The following PALLD variants were observed in gnomAD, a reference collection of about 807,000 sequenced individuals.
PALLD encodes palladin.
Under a neutral mutation model 123.5 loss-of-function variants are expected in PALLD, and 61 were observed. The ratio of observed to expected loss-of-function variants is 0.49; its 90% CI spans 0.40 to 0.61. The LOEUF (loss-of-function observed/expected upper bound fraction) is 0.61, where lower values mean the gene tolerates loss of function less well. PALLD is among the 20% of genes least tolerant of loss of function. The probability of loss-of-function intolerance (pLI) is 0.00; values close to 1 mark genes in which losing one functional copy is unlikely to be tolerated. For missense variants in PALLD, 1,273 were observed against 1,377.0 expected, an observed-to-expected ratio of 0.92 and a Z score of 1.20; for synonymous variants, 465 against 496.4, an observed-to-expected ratio of 0.94 and a Z score of 0.84.
intron 10 of PALLD, among the ~76,000 whole-genome samples, chr4:168,826,262 C>G (rs1159596652): frequency 1.3e-5 from 2 of 152,156 alleles, no homozygotes; most frequent in Non-Finnish European, 2.9e-5. Flanking sequence ...TCAGATCAAG[C>G]AGACCTGACT....
At chr4:168,717,540 C>A (rs138464009) in intron 10 of PALLD, among the ~76,000 whole-genome samples, 1 of 151,798 alleles carries the variant, frequency 6.6e-6, no homozygotes, top group East Asian at 1.9e-4. Context: ...TAGTAGAGAC[C>A]GGGTTTCACC....
At chr4:168,577,536 T>A (rs929111120) in intron 2 of PALLD, among the ~76,000 whole-genome samples, 5 of 152,180 alleles carry the variant, frequency 3.3e-5, no homozygotes, top group African/African-American at 1.2e-4. Flanking sequence ...TTCAGGTTTT[T>A]CTTACATAGG....
chr4:168,892,950 G>A lies in PALLD; in HGVS notation c.2101-1629G>A, dbSNP rs150843199. ...GTAAGGTTTCCCTTTTTAGAAAATG[G>A]GATTCTCAACCAACTTTTTCCTAAT... On this transcript the variant is annotated intron_variant, in intron 11 of 21. Coordinates refer to ENST00000505667, the MANE Select transcript of PALLD (RefSeq NM_001166108.2). 1.8e-4 allele frequency among the ~76,000 whole-genome samples: 27 copies of A among 152,020 alleles called. No homozygotes were observed. In the East Asian group the frequency reaches 5.2e-3, roughly 29 times the overall value.
Position 168,844,884 on chromosome 4 carries a change from G to A in PALLD, c.1965-46038G>A, listed in dbSNP as rs901602907. The A allele has an allele frequency of 7.2e-5, 11 of 152,324 alleles. No individual in the cohort carries two copies. The highest frequency in any genetic ancestry group is 1.3e-4 in the Non-Finnish European group (9 of 68,156). 9.4% of individuals were successfully genotyped at this position (152,324 alleles called of 1,614,324 possible). On this transcript the variant is annotated intron_variant, in intron 10 of 21. Coordinates refer to ENST00000505667, the MANE Select transcript of PALLD (RefSeq NM_001166108.2). This position sits in a 1 kb window ranked among gnomAD's most constrained non-coding sequence, Gnocchi z 4.5. ...GACCAGGCCATCATGGGTTAGGCTC[G>A]GAAGGGAGGGGCCCAGATGCAGAAT...
intron 2 of PALLD, among the ~76,000 whole-genome samples, chr4:168,573,642 G>A (rs1041381139): frequency 3.3e-5 from 5 of 152,126 alleles, no homozygotes; most frequent in East Asian, 1.9e-4. Context: ...CTAAAAGAAC[G>A]TGGGAAGTTG....
At chr4:168,916,442 A>G (rs930582610) in intron 17 of PALLD, among the ~76,000 whole-genome samples, 3 of 151,604 alleles carry the variant, frequency 2.0e-5, no homozygotes, top group Admixed American at 1.3e-4. Flanking sequence ...TAAGGGGGGG[A>G]AAAAGTGAAA....
chr4:168,601,068 TC>T (rs1772592813), intron 2 of PALLD, among the ~76,000 whole-genome samples: 1 of 151,586 alleles, frequency 6.6e-6, no homozygotes, highest in South Asian at 2.1e-4. Context: ...CAGTGTTTTT[TC>T]TTCTGCAAGT....
intron 2 of PALLD, among the ~76,000 whole-genome samples, chr4:168,660,764 C>G (rs1156816044): frequency 6.6e-6 from 1 of 152,186 alleles, no homozygotes; most frequent in Non-Finnish European, 1.5e-5. Flanking sequence ...AAATTCAATA[C>G]TGGAGAATAT....
chr4:168,607,318 T>C (rs111947967), intron 2 of PALLD, among the ~76,000 whole-genome samples: 1,718 of 152,290 alleles, frequency 0.011, 33 homozygotes, highest in African/African-American at 0.039. Context: ...TAATGTAGTT[T>C]ATTAAAAAAC....
At chr4:168,676,555 T>G (rs2150057116) in intron 3 of PALLD, among the ~76,000 whole-genome samples, 1 of 148,898 alleles carries the variant, frequency 6.7e-6, no homozygotes, top group South Asian at 2.1e-4. Flanking sequence ...TATATTTTAC[T>G]TATATGTATT....
chr4:168,734,433 G>A (rs990674758), intron 10 of PALLD, among the ~76,000 whole-genome samples: 2 of 152,076 alleles, frequency 1.3e-5, no homozygotes, highest in East Asian at 3.9e-4. Context: ...TATTGTTTTT[G>A]TTTTAAAAGA....
intron 2 of PALLD, among the ~76,000 whole-genome samples, chr4:168,605,641 A>G (rs1773086931): frequency 6.6e-6 from 1 of 152,204 alleles, no homozygotes; most frequent in African/African-American, 2.4e-5. Context: ...TGGGCTCTGC[A>G]GAGCTGTCTG....
chr4:168,700,940 G>C (rs1783614165), intron 8 of PALLD: 1 of 152,146 alleles, frequency 6.6e-6, no homozygotes, highest in Admixed American at 6.5e-5. Context: ...TCTACTGTCT[G>C]TTAAAATCTC....
At chr4:168,499,835 C>T (rs1761211114) in intron 1 of PALLD, among the ~76,000 whole-genome samples, 1 of 152,160 alleles carries the variant, frequency 6.6e-6, no homozygotes, top group African/African-American at 2.4e-5. Flanking sequence ...TTAAGTGATC[C>T]TTACTGCCTG....
In PALLD at chr4:168,890,793, C is replaced by T. The variant is rs111472108; in HGVS notation, c.1965-129C>T. On this transcript the variant is annotated intron_variant, in intron 10 of 21. Coordinates refer to ENST00000505667, the MANE Select transcript of PALLD (RefSeq NM_001166108.2). ...ATGGTTCTTTCCATCATAGTTGCAA[C>T]AGATGTAGCATAAAAAATAGTGGGA... The T allele has an allele frequency of 2.7e-5, 25 of 932,016 alleles. No homozygotes were observed. The African/African-American group carries it at 3.2e-4, about 12-fold the overall frequency. The allele number at this position is 932,016 out of a possible 1,614,324, so 57.7% of individuals were successfully genotyped here.
Position 168,535,777 on chromosome 4 carries a change from T to C in PALLD, c.908+23365T>C, listed in dbSNP as rs566956229. 3.3e-5 allele frequency among the ~76,000 whole-genome samples: 5 copies of C among 152,292 alleles called. 1 individual carries two copies. Among genetic ancestry groups the C allele is most frequent in the African/African-American group, 1.2e-4 (5 of 41,554 alleles). On this transcript the variant is annotated intron_variant, in intron 2 of 21. Coordinates refer to ENST00000505667, the MANE Select transcript of PALLD (RefSeq NM_001166108.2). ...AAGTTTAGGCAAATAAAGGGAACTATAGCCACCTCTACAAATATCTGACCA... is the reference window on the plus strand; with the variant it reads ...AAGTTTAGGCAAATAAAGGGAACTACAGCCACCTCTACAAATATCTGACCA...
chr4:168,734,252 A>C (rs536232260), intron 10 of PALLD, among the ~76,000 whole-genome samples: 24 of 152,304 alleles, frequency 1.6e-4, no homozygotes, highest in South Asian at 8.3e-4. Context: ...AATATAAAAT[A>C]ACGGTATAAG....
intron 15 of PALLD, among the ~76,000 whole-genome samples, chr4:168,908,693 T>C (rs532536345): frequency 1.3e-5 from 2 of 152,236 alleles, no homozygotes; most frequent in South Asian, 4.1e-4. Flanking sequence ...GTATGTTTTC[T>C]AGTACACTGT....
At chr4:168,778,614 T>A (rs1316447949) in intron 10 of PALLD, among the ~76,000 whole-genome samples, 2 of 152,148 alleles carry the variant, frequency 1.3e-5, no homozygotes, top group African/African-American at 4.8e-5. Context: ...ATAACAAACC[T>A]TTACATGGTA....
Sources: allele counts gnomAD v4.1 joint callset (sites outside exome capture counted in the v4.1 genomes callset), GRCh38; gene constraint gnomAD v4.1.1; non-coding constraint Gnocchi (gnomAD v3.1); transcripts MANE v1.5; gene names NCBI Gene and HGNC (gene_info 2026-07-23, HGNC 2026-07-21).